The following PLSCR4 variants were observed in gnomAD, a reference collection of about 807,000 sequenced individuals.
PLSCR4 encodes phospholipid scramblase 4, also known as Ca(2+)-dependent phospholipid scramblase 4.
In PLSCR4, 25 loss-of-function variants were observed where a neutral mutation model predicts 36.3. That is an observed-to-expected ratio of 0.69 (90% CI 0.50 to 0.96). PLSCR4 has a LOEUF of 0.96. Among genes scored for constraint, PLSCR4 ranks in the 40% least tolerant of loss-of-function variants. PLSCR4 has a pLI of 0.00. For synonymous variants in PLSCR4, 122 were observed against 132.9 expected (o/e 0.92, Z 0.56); for missense variants, 408 against 414.7 (o/e 0.98, Z 0.14).
chr3:146,249,135 T>C (rs916545537), intron 1 of PLSCR4, among the ~76,000 whole-genome samples: 2 of 152,146 alleles, frequency 1.3e-5, no homozygotes, highest in Non-Finnish European at 2.9e-5. Flanking sequence ...AGTTTGTATC[T>C]TTTTTGGGGG....
At chr3:146,242,838 G>A (rs1316698585) in intron 1 of PLSCR4, among the ~76,000 whole-genome samples, 5 of 152,090 alleles carry the variant, frequency 3.3e-5, no homozygotes, top group Admixed American at 6.5e-5. Flanking sequence ...GGGCCCAAGA[G>A]GATCCCAAAA....
In PLSCR4 at chr3:146,196,810, G is replaced by C. The variant is rs2108204698; in HGVS notation, c.625-17C>G. 6.2e-7 allele frequency: 1 copy of C among 1,612,470 alleles called. No homozygotes were observed. The highest frequency in any genetic ancestry group is 1.1e-5 in the South Asian group (1 of 91,016). On this transcript the variant is annotated splice_polypyrimidine_tract_variant and intron_variant, in intron 6 of 8. Coordinates refer to ENST00000354952, the MANE Select transcript of PLSCR4 (RefSeq NM_020353.3). The stretch of plus-strand genomic sequence containing the variant: ...CACCTCCAGCTGCAAACAAAACAGT[G>C]ACAGAAGTTAGGATGCTACATGCAT...
intron 1 of PLSCR4, among the ~76,000 whole-genome samples, chr3:146,229,625 A>G (rs190890999): frequency 0.015 from 2,037 of 134,910 alleles, 70 homozygotes; most frequent in African/African-American, 0.056. Context: ...TTATTTATTT[A>G]TTTATTTATT....
At chr3:146,242,659 C>T (rs1173477446) in intron 1 of PLSCR4, among the ~76,000 whole-genome samples, 2 of 152,156 alleles carry the variant, frequency 1.3e-5, no homozygotes, top group Non-Finnish European at 2.9e-5. Flanking sequence ...GCTAGAGCTT[C>T]GCCCTCTGGA....
intron 1 of PLSCR4, among the ~76,000 whole-genome samples, chr3:146,250,193 A>C (rs2036490403): frequency 6.6e-6 from 1 of 152,212 alleles, no homozygotes. Context: ...GCTATCCATG[A>C]GAGCAGATAG....
chr3:146,223,757 G>A (rs1054481626), intron 1 of PLSCR4: 1 of 150,948 alleles, frequency 6.6e-6, no homozygotes, highest in Non-Finnish European at 1.5e-5. Context: ...TTTGTTGTAC[G>A]GTGCCCTATG....
chr3:146,244,456 C>T (rs114576711), intron 1 of PLSCR4, among the ~76,000 whole-genome samples: 2,486 of 152,170 alleles, frequency 0.016, 68 homozygotes, highest in African/African-American at 0.056. Flanking sequence ...TGCCATTTTG[C>T]AGAACAGCAA....
intron 1 of PLSCR4, among the ~76,000 whole-genome samples, chr3:146,234,255 T>C (rs145080466): frequency 9.1e-4 from 138 of 152,248 alleles, no homozygotes; most frequent in African/African-American, 3.2e-3. Flanking sequence ...TCCTGAAACA[T>C]AGTAGTAGAC....
intron 6 of PLSCR4, 134 bp downstream of exon 6, chr3:146,199,679 C>T: frequency 1.4e-6 from 1 of 737,584 alleles, no homozygotes; most frequent in Non-Finnish European, 2.2e-6. Context: ...ATTTGGTTTC[C>T]TCCCTCCCCA....
intron 1 of PLSCR4, chr3:146,223,825 TATATA>T (rs2035295311): frequency 6.9e-6 from 1 of 145,178 alleles, no homozygotes; most frequent in South Asian, 2.1e-4. Context: ...TATTTACTTT[TATATA>T]ATATATATTA....
In PLSCR4 at chr3:146,192,686, G is replaced by GAA. The variant is rs779285658; in HGVS notation, c.*1723_*1724dup. The GAA allele has an allele frequency of 6.6e-6, 1 of 151,866 alleles. No individual in the cohort carries two copies. The highest frequency in any genetic ancestry group is 1.5e-5 in the Non-Finnish European group (1 of 67,934). The allele number at this position is 151,866 out of a possible 1,614,324, so 9.4% of individuals were successfully genotyped here. Reference sequence around the variant, plus strand: ...AAAAGTTTATATGCTTAAACTTTCTGAATATTGTTTGTCTGATTTCCTATT... The same window carrying GAA: ...AAAAGTTTATATGCTTAAACTTTCTGAAAATATTGTTTGTCTGATTTCCTATT... On this transcript the variant is annotated 3_prime_UTR_variant, in exon 9 of 9. Coordinates refer to ENST00000354952, the MANE Select transcript of PLSCR4 (RefSeq NM_020353.3).
At chr3:146,212,078 T>C (rs372685126) in intron 3 of PLSCR4, among the ~76,000 whole-genome samples, 1 of 152,142 alleles carries the variant, frequency 6.6e-6, no homozygotes, top group South Asian at 2.1e-4. Context: ...ATTTAAAAAT[T>C]CCACTGTGAT....
intron 3 of PLSCR4, among the ~76,000 whole-genome samples, chr3:146,216,205 T>A (rs778623521): frequency 2.6e-5 from 4 of 152,140 alleles, no homozygotes; most frequent in Non-Finnish European, 5.9e-5. Flanking sequence ...TACTCCAGCC[T>A]GGGCAACACG....
At position 146,199,291 on chromosome 3, in the gene PLSCR4, GA is replaced by G. The variant is rs532687551; in HGVS notation, c.624+521del. On this transcript the variant is annotated intron_variant, in intron 6 of 8. Transcript: ENST00000354952. ...AACTTGCTTAGAAATGCAAGATAAT[GA>G]GTAACCACACTGTAACTCAGCACAT... is the stretch of plus-strand genomic sequence containing the variant. Among the ~76,000 whole-genome samples, 385 of 152,186 alleles carry G rather than the reference GA, an allele frequency of 2.5e-3. 3 individuals carry two copies. Among genetic ancestry groups the G allele is most frequent in the Non-Finnish European group, 4.5e-3 (305 of 67,988 alleles).
intron 1 of PLSCR4, among the ~76,000 whole-genome samples, chr3:146,240,722 G>A (rs1011784918): frequency 2.6e-5 from 4 of 152,086 alleles, no homozygotes; most frequent in South Asian, 2.1e-4. Flanking sequence ...TTCATATGTC[G>A]CTGAGGAATG....
intron 1 of PLSCR4, among the ~76,000 whole-genome samples, chr3:146,234,845 C>G (rs537994104): frequency 6.6e-6 from 1 of 152,228 alleles, no homozygotes; most frequent in South Asian, 2.1e-4. Flanking sequence ...GATGACTGCT[C>G]AGGTCTCAGA....
chr3:146,238,729 A>AACAAG (rs1329252289), intron 1 of PLSCR4, among the ~76,000 whole-genome samples: 1 of 152,156 alleles, frequency 6.6e-6, no homozygotes, highest in Non-Finnish European at 1.5e-5. Flanking sequence ...TTAAGACCAA[A>AACAAG]ACAAGACAAG....
At chr3:146,207,063 C>T (rs1033967916) in intron 3 of PLSCR4, among the ~76,000 whole-genome samples, 6 of 151,992 alleles carry the variant, frequency 3.9e-5, no homozygotes, top group Non-Finnish European at 5.9e-5. Context: ...AAATTAGGTT[C>T]CTCCTTGGAG....
At chr3:146,195,566 T>C (rs2033691753) in intron 7 of PLSCR4, among the ~76,000 whole-genome samples, 1 of 152,180 alleles carries the variant, frequency 6.6e-6, no homozygotes, top group Non-Finnish European at 1.5e-5. Context: ...GATTATGAAA[T>C]TCTTCTCAAC....
Sources: allele counts gnomAD v4.1 joint callset (sites outside exome capture counted in the v4.1 genomes callset), GRCh38; gene constraint gnomAD v4.1.1; transcripts MANE v1.5; gene names NCBI Gene and HGNC (gene_info 2026-07-23, HGNC 2026-07-21).